SYT16: variants seen among roughly 807,000 people sequenced by gnomAD.
The protein encoded by SYT16 is synaptotagmin 16.
Under a neutral mutation model 61.4 loss-of-function variants are expected in SYT16, and 42 were observed. That is an observed-to-expected ratio of 0.68 (90% confidence interval 0.53 to 0.89). The LOEUF is 0.89. SYT16 is among the 40% of genes least tolerant of loss of function. The pLI, the probability that SYT16 is intolerant of heterozygous loss-of-function variation, is 0.00. For missense variants in SYT16, 804 were observed against 807.3 expected (o/e 1.00, Z 0.05); for synonymous variants, 314 against 302.3 (o/e 1.04, Z -0.40).
intron 1 of SYT16, among the ~76,000 whole-genome samples, chr14:61,894,151 G>A (rs2048238389): frequency 6.6e-6 from 1 of 152,108 alleles, no homozygotes; most frequent in Admixed American, 6.5e-5. Flanking sequence ...CGGGCATTGT[G>A]GCAGGTGCCT....
intron 3 of SYT16, among the ~76,000 whole-genome samples, chr14:62,005,739 G>A (rs1363476320): frequency 6.6e-6 from 1 of 152,160 alleles, no homozygotes; most frequent in East Asian, 1.9e-4. Flanking sequence ...AATCAAATAT[G>A]TATTGAACAC....
At chr14:61,973,441 G>T (rs2051647810) in intron 2 of SYT16, among the ~76,000 whole-genome samples, 1 of 152,036 alleles carries the variant, frequency 6.6e-6, no homozygotes, top group Non-Finnish European at 1.5e-5. Flanking sequence ...TGCATTATTT[G>T]ATTTCTTTAT....
intron 1 of SYT16, among the ~76,000 whole-genome samples, chr14:61,942,491 A>C (rs1334896061): frequency 6.6e-6 from 1 of 152,220 alleles, no homozygotes; most frequent in Non-Finnish European, 1.5e-5. Flanking sequence ...TTAAATAATG[A>C]AAGTTTAGCT....
At chr14:61,887,270 C>T (rs1432927182) in intron 1 of SYT16, among the ~76,000 whole-genome samples, 1 of 152,144 alleles carries the variant, frequency 6.6e-6, no homozygotes, top group Non-Finnish European at 1.5e-5. Context: ...TTTAGTAAAC[C>T]ATTCTATAAA....
At chr14:61,833,718 T>G (rs1330610526) in intron 1 of SYT16, among the ~76,000 whole-genome samples, 6 of 149,066 alleles carry the variant, frequency 4.0e-5, no homozygotes, top group Admixed American at 6.6e-5. Flanking sequence ...TTTTTTTTTT[T>G]TTTTTTTTTA....
intron 1 of SYT16, among the ~76,000 whole-genome samples, chr14:61,964,788 C>T (rs2051245550): frequency 1.3e-5 from 2 of 152,014 alleles, no homozygotes; most frequent in African/African-American, 4.8e-5. Flanking sequence ...AAGGTAACAG[C>T]CACCCCAACC....
chr14:62,072,419 T>C (rs2056334468), intron 4 of SYT16, among the ~76,000 whole-genome samples: 1 of 152,152 alleles, frequency 6.6e-6, no homozygotes, highest in African/African-American at 2.4e-5. Flanking sequence ...AGAGATTCAT[T>C]GCAAAGAATT....
intron 1 of SYT16, among the ~76,000 whole-genome samples, chr14:61,932,773 C>T (rs1297727421): frequency 6.6e-6 from 1 of 152,182 alleles, no homozygotes; most frequent in African/African-American, 2.4e-5. Context: ...CAGAACTTAT[C>T]TGCTCATGAG....
At chr14:62,043,311 A>G (rs1376688815) in intron 3 of SYT16, among the ~76,000 whole-genome samples, 1 of 149,552 alleles carries the variant, frequency 6.7e-6, no homozygotes, top group Non-Finnish European at 1.5e-5. Flanking sequence ...TGCTTGATAG[A>G]TTTTCTGTCT....
At chr14:62,018,661 C>T (rs145195416) in intron 3 of SYT16, among the ~76,000 whole-genome samples, 1 of 152,270 alleles carries the variant, frequency 6.6e-6, no homozygotes, top group African/African-American at 2.4e-5. Flanking sequence ...GCTGTTTCCC[C>T]TATCTGGAAC....
At chr14:61,968,058 C>T (rs997478781) in intron 1 of SYT16, among the ~76,000 whole-genome samples, 2 of 151,962 alleles carry the variant, frequency 1.3e-5, no homozygotes, top group Admixed American at 1.3e-4. Context: ...GTCAGGAGTT[C>T]AAGACCAGCC....
intron 1 of SYT16, among the ~76,000 whole-genome samples, chr14:61,915,549 A>G (rs1202478608): frequency 6.6e-6 from 1 of 152,142 alleles, no homozygotes; most frequent in Non-Finnish European, 1.5e-5. Context: ...GAGAGTGAGG[A>G]GTTAATTCTT....
chr14:61,979,911 T>A (rs1195487724), intron 2 of SYT16, among the ~76,000 whole-genome samples: 1 of 152,104 alleles, frequency 6.6e-6, no homozygotes, highest in Non-Finnish European at 1.5e-5. Context: ...ACTGGGATAG[T>A]TTTTGACGGT....
Position 62,100,673 on chromosome 14 carries a change from A to G in SYT16, c.1904A>G (p.Gln635Arg), listed in dbSNP as rs2057400113. 1.2e-6 allele frequency: 2 copies of G among 1,613,598 alleles called. No individual in the cohort carries two copies. The highest frequency in any genetic ancestry group is 1.7e-6 in the Non-Finnish European group (2 of 1,179,764). The change falls in exon 8 of 8, where the codon CAG becomes CGG. Residue 635 changes from glutamine (Q) to arginine (R), a missense_variant. Coordinates refer to ENST00000683842, the MANE Select transcript of SYT16 (RefSeq NM_001367656.1). Reference protein sequence around the residue: ...WEEMKETKGQQICRWHTLLES With the variant: ...WEEMKETKGQRICRWHTLLES ...GAGATGAAGGAAACCAAAGGCCAGC[A>G]GATCTGCAGATGGCACACTTTGCTG...
intron 1 of SYT16, among the ~76,000 whole-genome samples, chr14:61,938,919 A>G (rs994255795): frequency 2.3e-4 from 35 of 152,146 alleles, no homozygotes; most frequent in African/African-American, 8.2e-4. Flanking sequence ...CGGATCACTT[A>G]AGGTCAGGAG....
Position 61,903,536 on chromosome 14 carries a change from TATC to T in SYT16, c.-324-66593_-324-66591del, listed in dbSNP as rs572716773. On this transcript the variant is annotated intron_variant, in intron 1 of 7. Coordinates refer to ENST00000683842, the MANE Select transcript of SYT16 (RefSeq NM_001367656.1). ...AAAGTAGATTAGGATTTCTTTTCAA[TATC>T]ATGTAAATTCCACAAAAGCAGCAAT... Among the ~76,000 whole-genome samples the T allele has an allele frequency of 2.8e-3, 427 of 152,372 alleles. 2 individuals are homozygous for T. Among genetic ancestry groups the T allele is most frequent in the Admixed American group, 5.4e-3 (83 of 15,304 alleles).
chr14:61,917,692 G>A (rs902918336), intron 1 of SYT16, among the ~76,000 whole-genome samples: 1 of 151,270 alleles, frequency 6.6e-6, no homozygotes, highest in Non-Finnish European at 1.5e-5. Context: ...ACTTTTTTTT[G>A]TCACTTGCAA....
chr14:62,035,552 A>G (rs2054474641), intron 3 of SYT16, among the ~76,000 whole-genome samples: 1 of 152,204 alleles, frequency 6.6e-6, no homozygotes, highest in South Asian at 2.1e-4. Flanking sequence ...AGAGAAGTGA[A>G]AATAGACTAA....
At chr14:61,853,995 T>C (rs2046697124) in intron 1 of SYT16, among the ~76,000 whole-genome samples, 1 of 152,228 alleles carries the variant, frequency 6.6e-6, no homozygotes, top group African/African-American at 2.4e-5. Context: ...ATAATACACG[T>C]AATCTATGAA....
Sources: gnomAD v4.1 joint callset for allele counts (sites outside exome capture counted in the v4.1 genomes callset) on GRCh38, gnomAD v4.1.1 for gene constraint, MANE v1.5 for transcripts, NCBI Gene and HGNC (gene_info 2026-07-23, HGNC 2026-07-21) for gene names.